Variants in AGBL4 observed in about 807,000 individuals in gnomAD.
AGBL4 encodes the protein cytosolic carboxypeptidase 6.
A neutral mutation model predicts 66.4 loss-of-function variants in AGBL4; 58 were observed. The observed-to-expected ratio is 0.87, with a 90% confidence interval of 0.71 to 1.09. The LOEUF is 1.09. Among genes scored for constraint, AGBL4 ranks in the 50% least tolerant of loss-of-function variants. The probability of loss-of-function intolerance (pLI) is 0.00; values close to 1 mark genes in which losing one functional copy is unlikely to be tolerated. For missense variants in AGBL4, 579 were observed against 631.0 expected (o/e 0.92, Z 0.88); for synonymous variants, 234 against 222.9 (o/e 1.05, Z -0.44).
chr1:49,132,058 G>A (rs1645908401), intron 4 of AGBL4, among the ~76,000 whole-genome samples: 1 of 152,076 alleles, frequency 6.6e-6, no homozygotes, highest in Non-Finnish European at 1.5e-5. Context: ...GAGGACCAAG[G>A]ACAAGTTGCA....
chr1:49,964,942 T>C (rs1042052339), intron 1 of AGBL4, among the ~76,000 whole-genome samples: 1 of 152,128 alleles, frequency 6.6e-6, no homozygotes, highest in African/African-American at 2.4e-5. Flanking sequence ...TAAAACATAT[T>C]TTATTATAAA....
intron 3 of AGBL4, among the ~76,000 whole-genome samples, chr1:49,492,475 G>A (rs1647211321): frequency 6.6e-6 from 1 of 151,976 alleles, no homozygotes; most frequent in South Asian, 2.1e-4. Flanking sequence ...AAGCAAAACT[G>A]TTGATAAGGG....
rs145011215 is a variant in AGBL4, at chr1:49,359,338, T to C, written c.283-113474A>G. Among the ~76,000 whole-genome samples, 370 of 152,314 alleles carry C rather than the reference T, an allele frequency of 2.4e-3. 3 individuals carry two copies. Among genetic ancestry groups the C allele is most frequent in the African/African-American group, 8.5e-3 (355 of 41,564 alleles). On this transcript the variant is annotated intron_variant, in intron 3 of 13. Coordinates refer to ENST00000371839, the MANE Select transcript of AGBL4 (RefSeq NM_032785.4). The stretch of plus-strand genomic sequence containing the variant: ...ACTTTCAAACCTTAGGTGCTTCATT[T>C]ATGAAATGAAAATAATACTGTTTAC...
chr1:48,738,874 G>A (rs1308703451), intron 6 of AGBL4, among the ~76,000 whole-genome samples: 1 of 152,104 alleles, frequency 6.6e-6, no homozygotes, highest in Non-Finnish European at 1.5e-5. Context: ...TCCTCATAAT[G>A]ACCTTAAGAG....
chr1:49,350,393 C>T (rs918214453), intron 3 of AGBL4, among the ~76,000 whole-genome samples: 3 of 151,578 alleles, frequency 2.0e-5, no homozygotes, highest in Admixed American at 6.6e-5. Context: ...TTAGTAGAGA[C>T]GGGGTTTCAC....
chr1:48,670,823 T>TA (rs939453483), intron 6 of AGBL4, among the ~76,000 whole-genome samples: 96 of 152,320 alleles, frequency 6.3e-4, no homozygotes, highest in African/African-American at 2.2e-3. Context: ...CTGCTGAAGT[T>TA]AGGGTTCCTG....
chr1:49,225,119 G>A (rs1649810772), intron 4 of AGBL4, among the ~76,000 whole-genome samples: 2 of 152,160 alleles, frequency 1.3e-5, no homozygotes, highest in Admixed American at 1.3e-4. Context: ...TCATTCACTA[G>A]TTTATTCATT....
At chr1:48,650,700 G>T (rs1415506133) in intron 8 of AGBL4, among the ~76,000 whole-genome samples, 1 of 152,210 alleles carries the variant, frequency 6.6e-6, no homozygotes, top group African/African-American at 2.4e-5. Flanking sequence ...TTGGCAAGTA[G>T]AATTCTTGGA....
intron 5 of AGBL4, among the ~76,000 whole-genome samples, chr1:48,923,213 A>C (rs192158353): frequency 2.0e-5 from 3 of 152,254 alleles, no homozygotes; most frequent in Non-Finnish European, 4.4e-5. Flanking sequence ...CCAAGAGATT[A>C]AGTGACTATT....
chr1:49,045,516 C>T lies in AGBL4; in HGVS notation c.594+68G>A, dbSNP rs1419955510. Reference sequence around the variant, plus strand: ...TCATTATTTGCATTGCATAAAAACCCGTGTTAAGTCCCTATCCCAAGTTTG... The same window carrying T: ...TCATTATTTGCATTGCATAAAAACCTGTGTTAAGTCCCTATCCCAAGTTTG... On this transcript the variant is annotated intron_variant, in intron 5 of 13. Coordinates refer to ENST00000371839, the MANE Select transcript of AGBL4 (RefSeq NM_032785.4). The T allele has an allele frequency of 7.4e-5, 102 of 1,384,072 alleles. 1 individual carries two copies. The South Asian group carries it at 1.2e-3, about 16-fold the overall frequency. The allele number at this position is 1,384,072 out of a possible 1,614,324, so 85.7% of individuals were successfully genotyped here. A position where few individuals can be genotyped will look rare whatever the true frequency, so the allele number is the denominator to read the frequency against.
chr1:49,730,434 T>C (rs902735258), intron 2 of AGBL4, among the ~76,000 whole-genome samples: 20 of 152,034 alleles, frequency 1.3e-4, no homozygotes, highest in Non-Finnish European at 2.9e-5. Flanking sequence ...ACCTCGGGAC[T>C]CCCCAAGCCA....
At chr1:48,717,698 G>C (rs879845221) in intron 6 of AGBL4, among the ~76,000 whole-genome samples, 10 of 152,144 alleles carry the variant, frequency 6.6e-5, no homozygotes, top group Admixed American at 5.9e-4. Context: ...TTGCCATATA[G>C]CACAGGGCCT....
At chr1:49,629,618 T>C (rs550712175) in intron 3 of AGBL4, among the ~76,000 whole-genome samples, 2 of 152,298 alleles carry the variant, frequency 1.3e-5, no homozygotes, top group South Asian at 4.1e-4. Flanking sequence ...GGCTCCACGA[T>C]GATATTTCGG....
intron 3 of AGBL4, among the ~76,000 whole-genome samples, chr1:49,426,453 C>A (rs989025998): frequency 3.3e-5 from 5 of 152,178 alleles, no homozygotes; most frequent in African/African-American, 9.6e-5. Flanking sequence ...TTATTTTAAA[C>A]TTTTCTGTTA....
intron 3 of AGBL4, among the ~76,000 whole-genome samples, chr1:49,511,520 G>A (rs1241096128): frequency 6.6e-6 from 1 of 150,718 alleles, no homozygotes; most frequent in Non-Finnish European, 1.5e-5. Context: ...ACGAGTTAGT[G>A]GGTGCAGCAC....
chr1:49,774,793 A>G (rs1378379438), intron 2 of AGBL4, among the ~76,000 whole-genome samples: 1 of 152,224 alleles, frequency 6.6e-6, no homozygotes, highest in Non-Finnish European at 1.5e-5. Context: ...AACTGTTGTT[A>G]AGAGTATAAA....
chr1:49,899,726 G>A (rs1034633031), intron 1 of AGBL4, among the ~76,000 whole-genome samples: 8 of 152,020 alleles, frequency 5.3e-5, no homozygotes, highest in African/African-American at 9.7e-5. Flanking sequence ...AATTGGTGTC[G>A]TACATAAAAG....
intron 3 of AGBL4, among the ~76,000 whole-genome samples, chr1:49,644,182 C>A (rs1297959204): frequency 6.6e-6 from 1 of 151,408 alleles, no homozygotes; most frequent in African/African-American, 2.4e-5. Context: ...CCTAAAGCAA[C>A]CACTAAAATA....
intron 3 of AGBL4, among the ~76,000 whole-genome samples, chr1:49,256,978 A>G (rs1210434062): frequency 1.3e-5 from 2 of 152,198 alleles, no homozygotes; most frequent in Non-Finnish European, 2.9e-5. Flanking sequence ...CAAATAGATT[A>G]GGAAATAAAA....
Sources: gnomAD v4.1 joint callset for allele counts (sites outside exome capture counted in the v4.1 genomes callset) on GRCh38, gnomAD v4.1.1 for gene constraint, MANE v1.5 for transcripts, NCBI Gene and HGNC (gene_info 2026-07-23, HGNC 2026-07-21) for gene names.